Variants in STPG2 observed in about 807,000 individuals in gnomAD.
STPG2 encodes sperm-tail PG-rich repeat-containing protein 2.
STPG2 carries 56 observed loss-of-function variants against 54.2 expected under a neutral mutation model. The ratio of observed to expected loss-of-function variants is 1.03; its 90% CI spans 0.83 to 1.29. The LOEUF is 1.29. Among genes scored for constraint, STPG2 ranks in the 50% most tolerant of loss-of-function variants. The probability of loss-of-function intolerance (pLI) is 0.00; values close to 1 mark genes in which losing one functional copy is unlikely to be tolerated. For missense variants in STPG2, 596 were observed against 544.9 expected (o/e 1.09, Z -0.93); for synonymous variants, 200 against 181.8 (o/e 1.10, Z -0.81).
intron 10 of STPG2, among the ~76,000 whole-genome samples, chr4:97,675,910 G>C (rs1722823648): frequency 6.9e-6 from 1 of 145,078 alleles, no homozygotes; most frequent in South Asian, 2.1e-4. Context: ...TATATATATA[G>C]TGTATATATA....
At chr4:98,015,813 T>C (rs9992177) in intron 5 of STPG2, among the ~76,000 whole-genome samples, 59,826 of 151,752 alleles carry the variant, frequency 0.39, 12,028 homozygotes, top group Middle Eastern at 0.46. Flanking sequence ...AACCCAAATG[T>C]CCATCAATGA....
chr4:97,638,582 T>C (rs1472334987), intron 10 of STPG2, among the ~76,000 whole-genome samples: 25 of 147,380 alleles, frequency 1.7e-4, no homozygotes, highest in African/African-American at 3.1e-4. Flanking sequence ...AGAAAATTTT[T>C]GCAACCTACT....
At chr4:98,015,305 C>T (rs1359348689) in intron 5 of STPG2, among the ~76,000 whole-genome samples, 1 of 151,848 alleles carries the variant, frequency 6.6e-6, no homozygotes, top group Non-Finnish European at 1.5e-5. Context: ...TGCAATATAT[C>T]CATCTGAAAA....
chr4:97,647,043 C>G (rs1476744822), intron 10 of STPG2, among the ~76,000 whole-genome samples: 1 of 152,122 alleles, frequency 6.6e-6, no homozygotes, highest in African/African-American at 2.4e-5. Flanking sequence ...TAAATATTTT[C>G]TAGTCCAAGT....
chr4:98,124,081 G>A (rs1739762838), intron 3 of STPG2, among the ~76,000 whole-genome samples: 1 of 152,166 alleles, frequency 6.6e-6, no homozygotes, highest in East Asian at 1.9e-4. Context: ...GTCTTTGCCT[G>A]AGATAGGTCT....
At chr4:97,749,552 T>C (rs1725518933) in intron 9 of STPG2, among the ~76,000 whole-genome samples, 1 of 151,722 alleles carries the variant, frequency 6.6e-6, no homozygotes, top group African/African-American at 2.4e-5. Context: ...TTTATCAATG[T>C]AAAAGTAGGC....
At chr4:98,013,676 T>G (rs1735833260) in intron 5 of STPG2, among the ~76,000 whole-genome samples, 1 of 151,174 alleles carries the variant, frequency 6.6e-6, no homozygotes, top group Non-Finnish European at 1.5e-5. Context: ...GGGATATGAT[T>G]TCTTCATTGT....
chr4:98,105,376 G>T (rs180839165), intron 5 of STPG2, among the ~76,000 whole-genome samples: 1 of 152,140 alleles, frequency 6.6e-6, no homozygotes, highest in African/African-American at 2.4e-5. Flanking sequence ...CAAGGACCCT[G>T]CAAGGACCCA....
At chr4:97,576,362 G>T (rs908819719) in intron 10 of STPG2, among the ~76,000 whole-genome samples, 1 of 150,340 alleles carries the variant, frequency 6.7e-6, no homozygotes, top group African/African-American at 2.4e-5. Flanking sequence ...CTGACTACAA[G>T]CCATACTACG....
chr4:97,500,979 C>A (rs1434102626), intron 4 of STPG2, among the ~76,000 whole-genome samples: 1 of 151,952 alleles, frequency 6.6e-6, no homozygotes, highest in Non-Finnish European at 1.5e-5. Context: ...CAAGCACTTT[C>A]AAAACTATGG....
chr4:97,864,408 G>A lies in STPG2; in HGVS notation c.1045-23476C>T, dbSNP rs185696518. On this transcript the variant is annotated intron_variant, in intron 8 of 10. Coordinates refer to ENST00000295268, the MANE Select transcript of STPG2 (RefSeq NM_174952.3). ...GGGACGTGAAGGATCTCTTCAAGGA[G>A]AACTACAAACCACTGCTCAGTGAAA... Among the ~76,000 whole-genome samples the A allele has an allele frequency of 5.9e-5, 9 of 152,212 alleles. No homozygotes were observed. The East Asian group carries it at 1.7e-3, about 29-fold the overall frequency.
At chr4:97,477,921 AC>A (rs1324327336) in intron 4 of STPG2, among the ~76,000 whole-genome samples, 7 of 152,276 alleles carry the variant, frequency 4.6e-5, no homozygotes, top group South Asian at 4.1e-4. Flanking sequence ...ATCAGCTACT[AC>A]GTGATAAAAA....
At chr4:97,869,757 T>C (rs1729913728) in intron 8 of STPG2, among the ~76,000 whole-genome samples, 1 of 151,666 alleles carries the variant, frequency 6.6e-6, no homozygotes. Flanking sequence ...AAAAAGAAGC[T>C]AATGAAGTAG....
intron 8 of STPG2, among the ~76,000 whole-genome samples, chr4:97,920,226 C>G (rs1322009554): frequency 6.6e-6 from 1 of 152,106 alleles, no homozygotes; most frequent in East Asian, 1.9e-4. Flanking sequence ...CTCATAAGTC[C>G]AGCAACCAAG....
intron 9 of STPG2, among the ~76,000 whole-genome samples, chr4:97,814,451 T>C (rs1358579168): frequency 6.6e-6 from 1 of 152,070 alleles, no homozygotes; most frequent in Non-Finnish European, 1.5e-5. Flanking sequence ...GCCTCAGCCA[T>C]CCAAGTAGCT....
chr4:97,542,447 G>A (rs183949836), intron 4 of STPG2, among the ~76,000 whole-genome samples: 4 of 152,152 alleles, frequency 2.6e-5, no homozygotes, highest in African/African-American at 4.8e-5. Context: ...TTAGAACTGC[G>A]ATCATTAAAA....
intron 10 of STPG2, among the ~76,000 whole-genome samples, chr4:97,699,805 C>A (rs1246989765): frequency 6.6e-6 from 1 of 152,164 alleles, no homozygotes; most frequent in Non-Finnish European, 1.5e-5. Flanking sequence ...GCCATCAGTG[C>A]AGGCTGGAGG....
At chr4:97,585,240 A>T (rs1379047902) in intron 10 of STPG2, among the ~76,000 whole-genome samples, 1 of 151,994 alleles carries the variant, frequency 6.6e-6, no homozygotes, top group Non-Finnish European at 1.5e-5. Context: ...TAAATGTGAT[A>T]CATCACATGA....
intron 9 of STPG2, among the ~76,000 whole-genome samples, chr4:97,726,000 GA>G (rs1724612337): frequency 6.6e-6 from 1 of 151,414 alleles, no homozygotes; most frequent in African/African-American, 2.4e-5. Context: ...TGAAGCAAAA[GA>G]AAAAAAAGTA....
Sources: allele counts gnomAD v4.1 joint callset (sites outside exome capture counted in the v4.1 genomes callset), GRCh38; gene constraint gnomAD v4.1.1; transcripts MANE v1.5; gene names NCBI Gene and HGNC (gene_info 2026-07-23, HGNC 2026-07-21).